SLC16A12: variants seen among roughly 807,000 people sequenced by gnomAD.
SLC16A12 encodes solute carrier family 16 member 12, also known as monocarboxylate transporter 12.
In SLC16A12, 17 loss-of-function variants were observed where a neutral mutation model predicts 42.4. The observed-to-expected ratio is 0.40, with a 90% CI of 0.27 to 0.60. The LOEUF is 0.60. Ranked by LOEUF, SLC16A12 falls within the 20% of genes least tolerant of loss-of-function variation. The pLI is 0.42. For synonymous variants in SLC16A12, 224 were observed against 229.4 expected, an observed-to-expected ratio of 0.98 and a Z score of 0.21; for missense variants, 544 against 623.0, an observed-to-expected ratio of 0.87 and a Z score of 1.35.
At chr10:89,492,297 A>G (rs1419978738) in intron 2 of SLC16A12, among the ~76,000 whole-genome samples, 1 of 152,222 alleles carries the variant, frequency 6.6e-6, no homozygotes, top group African/African-American at 2.4e-5. Flanking sequence ...CACTACAAGG[A>G]TGGTGATAAA....
intron 2 of SLC16A12, among the ~76,000 whole-genome samples, chr10:89,530,983 C>T (rs948714773): frequency 2.0e-4 from 30 of 152,166 alleles, no homozygotes; most frequent in African/African-American, 7.2e-4. Flanking sequence ...ATCCATGTCG[C>T]AGCATGTGTT....
chr10:89,544,157 C>G (rs1339287449), intron 2 of SLC16A12, among the ~76,000 whole-genome samples: 1 of 152,218 alleles, frequency 6.6e-6, no homozygotes, highest in Admixed American at 6.5e-5. Context: ...ACCATTATGG[C>G]CCCACACCTA....
chr10:89,555,294 A>G (rs527823550), intron 2 of SLC16A12, among the ~76,000 whole-genome samples: 6 of 151,772 alleles, frequency 4.0e-5, no homozygotes. Flanking sequence ...ACAGGCACGC[A>G]GGCACAGTTA....
At chr10:89,482,924 C>A (rs1366771337) in intron 2 of SLC16A12, among the ~76,000 whole-genome samples, 1 of 152,160 alleles carries the variant, frequency 6.6e-6, no homozygotes, top group Admixed American at 6.5e-5. Context: ...GTTGCTTAGC[C>A]GGGCTCCAGG....
chr10:89,487,067 T>A (rs1842767619), intron 2 of SLC16A12, among the ~76,000 whole-genome samples: 1 of 152,156 alleles, frequency 6.6e-6, no homozygotes, highest in South Asian at 2.1e-4. Flanking sequence ...TCCCCAGCAA[T>A]CCCTTCTATG....
At chr10:89,444,777 A>G (rs1841971309) in intron 3 of SLC16A12, among the ~76,000 whole-genome samples, 1 of 152,102 alleles carries the variant, frequency 6.6e-6, no homozygotes, top group African/African-American at 2.4e-5. Flanking sequence ...TAGCCCATGG[A>G]GGGGGAGCCG....
chr10:89,513,396 T>C (rs1843194945), intron 2 of SLC16A12, among the ~76,000 whole-genome samples: 1 of 152,220 alleles, frequency 6.6e-6, no homozygotes, highest in African/African-American at 2.4e-5. Flanking sequence ...TGTGATTCAA[T>C]CATGTGACAT....
At chr10:89,555,549 A>G (rs1312025431) in intron 2 of SLC16A12, among the ~76,000 whole-genome samples, 1 of 146,364 alleles carries the variant, frequency 6.8e-6, no homozygotes, top group Non-Finnish European at 1.5e-5. Flanking sequence ...GTATGTATAT[A>G]CGTATATATA....
intron 2 of SLC16A12, among the ~76,000 whole-genome samples, chr10:89,489,331 T>A (rs1180031160): frequency 4.6e-5 from 7 of 152,038 alleles, no homozygotes; most frequent in African/African-American, 1.7e-4. Flanking sequence ...TTATTTTACT[T>A]TATTTTATTT....
At chr10:89,462,655 C>G (rs760482176) in intron 2 of SLC16A12, 31 bp from the exon 3 acceptor site, 83 of 1,510,950 alleles carry the variant, frequency 5.5e-5, no homozygotes, top group Non-Finnish European at 6.7e-5. Flanking sequence ...ATATTTATAT[C>G]TTATTGCTAT....
intron 3 of SLC16A12, among the ~76,000 whole-genome samples, chr10:89,452,514 A>G (rs910537886): frequency 6.6e-6 from 1 of 152,194 alleles, no homozygotes; most frequent in Non-Finnish European, 1.5e-5. Context: ...TAAAGAGACC[A>G]CTGAAGAAAG....
chr10:89,513,196 T>C (rs1300108145), intron 2 of SLC16A12, among the ~76,000 whole-genome samples: 1 of 152,216 alleles, frequency 6.6e-6, no homozygotes, highest in African/African-American at 2.4e-5. Context: ...GAAACCGCGA[T>C]CATTTAATCT....
intron 2 of SLC16A12, among the ~76,000 whole-genome samples, chr10:89,527,685 T>C (rs1033715666): frequency 6.6e-6 from 1 of 151,446 alleles, no homozygotes; most frequent in African/African-American, 2.4e-5. Context: ...TGCCCACCTG[T>C]AGTTCCAGCT....
At chr10:89,458,779 T>C (rs1842241820) in intron 3 of SLC16A12, among the ~76,000 whole-genome samples, 1 of 152,198 alleles carries the variant, frequency 6.6e-6, no homozygotes, top group Non-Finnish European at 1.5e-5. Context: ...TTAAAATACA[T>C]CCAATCATGA....
At chr10:89,537,291 C>T (rs1170755494), upstream of SLC16A12, among the ~76,000 whole-genome samples, 1 of 151,986 alleles carries the variant, frequency 6.6e-6, no homozygotes, top group Non-Finnish European at 1.5e-5. Context: ...GATCCTCCTG[C>T]CTCAGCCTCC....
rs75084000 is a variant in SLC16A12, at chr10:89,443,952, G to A, written c.201-93C>T. ...ATGTTTGGTTCAATTAGCTGCTCCT[G>A]TTTCCAAGGGTTTTAATTGCTAGAC... On this transcript the variant is annotated intron_variant, in intron 3 of 7. Coordinates refer to ENST00000371790, the MANE Select transcript of SLC16A12 (RefSeq NM_213606.4). 1,804 of 788,108 alleles carry A rather than the reference G, an allele frequency of 2.3e-3. 27 individuals carry two copies. In the African/African-American group the frequency reaches 0.028, roughly 12 times the overall value. The allele number at this position is 788,108 out of a possible 1,614,324, so 48.8% of individuals were successfully genotyped here.
Position 89,432,913 on chromosome 10 carries a change from TC to T in SLC16A12, c.*150del, listed in dbSNP as rs1405277771. 2 of 1,113,688 alleles carry T rather than the reference TC, an allele frequency of 1.8e-6. No homozygotes were observed. Among genetic ancestry groups the T allele is most frequent in the Admixed American group, 2.8e-5 (1 of 35,546 alleles). 69.0% of individuals were successfully genotyped at this position (1,113,688 alleles called of 1,614,324 possible). ...CAGCTTTCCTTATTATGTGCTGTTT[TC>T]CCTTATAAATATTAATATGTTAACA... On this transcript the variant is annotated 3_prime_UTR_variant, in exon 8 of 8. Coordinates refer to ENST00000371790, the MANE Select transcript of SLC16A12 (RefSeq NM_213606.4).
chr10:89,436,871 AG>A (rs371406298), intron 6 of SLC16A12, among the ~76,000 whole-genome samples: 80 of 85,928 alleles, frequency 9.3e-4, no homozygotes, highest in Non-Finnish European at 1.8e-3. Context: ...ATAAAGAAAA[AG>A]AAAGAAAGAA....
chr10:89,534,662 AAAAAAAAAATC>A (rs1399226736), intron 1 of SLC16A12, 22 bp from the exon 2 acceptor site: 1 of 148,722 alleles, frequency 6.7e-6, no homozygotes, highest in African/African-American at 2.5e-5. Context: ...AAAAAAAAAA[AAAAAAAAAATC>A]CAAAAATTAG....
Sources: gnomAD v4.1 joint callset for allele counts (sites outside exome capture counted in the v4.1 genomes callset) on GRCh38, gnomAD v4.1.1 for gene constraint, MANE v1.5 for transcripts, NCBI Gene and HGNC (gene_info 2026-07-23, HGNC 2026-07-21) for gene names.